CIZ1: variants seen among roughly 807,000 people sequenced by gnomAD.
The protein encoded by CIZ1 is CDKN1A interacting zinc finger protein 1.
In CIZ1, 58 loss-of-function variants were observed where a neutral mutation model predicts 118.6. The ratio of observed to expected loss-of-function variants is 0.49; its 90% CI spans 0.40 to 0.61. CIZ1 has a LOEUF of 0.61. Ranked by LOEUF, CIZ1 falls within the 20% of genes least tolerant of loss-of-function variation. The probability of loss-of-function intolerance (pLI) is 0.00; values close to 1 mark genes in which losing one functional copy is unlikely to be tolerated. For synonymous variants in CIZ1, 448 were observed against 443.4 expected (o/e 1.01, Z -0.13); for missense variants, 921 against 1,115.9 (o/e 0.83, Z 2.49).
Position 128,168,057 on chromosome 9 carries a change from C to G in CIZ1, c.2296-893G>C, listed in dbSNP as rs538501894. 6.6e-5 allele frequency among the ~76,000 whole-genome samples: 10 copies of G among 152,338 alleles called. No individual in the cohort carries two copies. The East Asian group carries it at 1.4e-3, about 21-fold the overall frequency. On this transcript the variant is annotated intron_variant, in intron 14 of 16. Coordinates refer to ENST00000372938, the MANE Select transcript of CIZ1 (RefSeq NM_001131016.2). ...CTTCCTCCCCAGCCCCTCAATACCC[C>G]ACTTTGGCTGCCAGAGGCTATGAGC...
Position 128,190,849 on chromosome 9 carries a change from G to A in CIZ1, c.9C>T (p.Ser3=). 6.5e-7 allele frequency: 1 copy of A among 1,542,906 alleles called. No homozygotes were observed. Among genetic ancestry groups the A allele is most frequent in the Non-Finnish European group, 8.7e-7 (1 of 1,147,850 alleles). Residue 3 remains serine (S), a synonymous_variant, in exon 2 of 17, where the codon AGC becomes AGT. Transcript: ENST00000372938. ...GCTGGAGCTGCTGCTGCTGCTGCTG[G>A]CTGAACATGGTGGCTAGGGGCAGAA... The part of the protein sequence containing the change: MF[S]QQQQQQLQQQ...
chr9:128,183,421 A>C (rs35256232), intron 5 of CIZ1, among the ~76,000 whole-genome samples: 74,832 of 152,038 alleles, frequency 0.49, 21,569 homozygotes, highest in South Asian at 0.7. Context: ...GGCCCGTTGG[A>C]AGGCTGGAGG....
rs1203844313 is a variant in CIZ1, at chr9:128,170,124, A to C, written c.1944-17T>G. On this transcript the variant is annotated splice_polypyrimidine_tract_variant and intron_variant, in intron 11 of 16. Coordinates refer to ENST00000372938, the MANE Select transcript of CIZ1 (RefSeq NM_001131016.2). ...GGAGGCTCCCTGAATGACAACAGTC[A>C]AAGCAAGTACAATGTGACGCCAGAA... 2 of 1,608,840 alleles carry C rather than the reference A, an allele frequency of 1.2e-6. No homozygotes were observed. Among genetic ancestry groups the C allele is most frequent in the Admixed American group, 3.3e-5 (2 of 59,708 alleles).
chr9:128,196,109 C>T (rs537327956), upstream of CIZ1, among the ~76,000 whole-genome samples: 406 of 152,082 alleles, frequency 2.7e-3, 4 homozygotes, highest in African/African-American at 9.5e-3. Context: ...TCAGATGATC[C>T]ACCCACCTTG....
chr9:128,202,249 A>T (rs1331479400), intron 1 of CIZ1, among the ~76,000 whole-genome samples: 1 of 151,874 alleles, frequency 6.6e-6, no homozygotes, highest in Non-Finnish European at 1.5e-5. Context: ...TGACTCACCG[A>T]CTCCCCATGA....
At chr9:128,202,256 A>T (rs753524786) in intron 1 of CIZ1, among the ~76,000 whole-genome samples, 9 of 152,216 alleles carry the variant, frequency 5.9e-5, no homozygotes, top group Non-Finnish European at 4.4e-5. Flanking sequence ...CCGACTCCCC[A>T]TGAGCACAGT....
In CIZ1 at chr9:128,170,054, T is replaced by C. The variant is rs1187412778; in HGVS notation, c.1997A>G (p.Asp666Gly). The C allele has an allele frequency of 3.1e-6, 5 of 1,613,950 alleles. No individual in the cohort carries two copies. The Admixed American group carries it at 5.0e-5, about 16-fold the overall frequency. Reference sequence around the variant, plus strand: ...CTGTGTCCTGCGGTGTTGGATCAGGTCCCCCATGTAGTAGAGCTGGCAGGT... The same window carrying C: ...CTGTGTCCTGCGGTGTTGGATCAGGCCCCCCATGTAGTAGAGCTGGCAGGT... ...CNTCQLYYMGDLIQHRRTQDH... is the reference protein window; with the variant it reads ...CNTCQLYYMGGLIQHRRTQDH... Residue 666 changes from aspartate (D) to glycine (G), a missense_variant, in exon 12 of 17, where the codon GAC becomes GGC. Asp to Gly is a moderately conservative substitution (Grantham distance 94). Coordinates refer to ENST00000372938, the MANE Select transcript of CIZ1 (RefSeq NM_001131016.2).
intron 11 of CIZ1, among the ~76,000 whole-genome samples, chr9:128,173,715 G>A (rs1207447175): frequency 6.6e-6 from 1 of 152,064 alleles, no homozygotes; most frequent in African/African-American, 2.4e-5. Flanking sequence ...GCCCAGAAAC[G>A]GCCAACGCGG....
intron 5 of CIZ1, among the ~76,000 whole-genome samples, chr9:128,181,764 CGGG>C (rs74186833): frequency 0.21 from 23,507 of 112,906 alleles, 1,674 homozygotes; most frequent in African/African-American, 0.24. Flanking sequence ...CCAGGAAAGG[CGGG>C]GGGGGGGGGG....
At chr9:128,180,237 A>T (rs1196586334) in intron 7 of CIZ1, among the ~76,000 whole-genome samples, 178 bp downstream of exon 7, 3 of 152,046 alleles carry the variant, frequency 2.0e-5, no homozygotes, top group African/African-American at 7.2e-5. Context: ...TCTGGCTGGG[A>T]GCTTCCCCAG....
rs1831201523 is a variant in CIZ1, at chr9:128,178,867, T to C, written c.1340A>G (p.Glu447Gly). The change falls in exon 8 of 17, where the codon GAG becomes GGG. Residue 447 changes from glutamate (E) to glycine (G), a missense_variant. By Grantham distance (98) the Glu-to-Gly change is moderately conservative (BLOSUM62 -2). Transcript: ENST00000372938. ...TACTGACACCTGCGCTGGAGGATGC[T>C]CCTGTGGCTGGACGCTTGGCTGTGC... The part of the protein sequence containing the change: ...TQAQPSVQPQ[E>G]HPPAQVSVQP... 6.2e-7 allele frequency: 1 copy of C among 1,614,224 alleles called. No individual in the cohort carries two copies. Among genetic ancestry groups the C allele is most frequent in the Non-Finnish European group, 8.5e-7 (1 of 1,180,026 alleles).
chr9:128,196,110 A>G (rs902461630), upstream of CIZ1, among the ~76,000 whole-genome samples: 1 of 151,906 alleles, frequency 6.6e-6, no homozygotes, highest in Non-Finnish European at 1.5e-5. Context: ...CAGATGATCC[A>G]CCCACCTTGG....
intron 3 of CIZ1, among the ~76,000 whole-genome samples, chr9:128,189,039 C>T (rs1018805390): frequency 3.3e-5 from 5 of 151,912 alleles, no homozygotes; most frequent in African/African-American, 9.7e-5. Context: ...CCTCGTGATC[C>T]GCCCACCTCG....
chr9:128,167,065 C>G (rs1449358678), intron 15 of CIZ1, 30 bp downstream of exon 15: 1 of 1,585,996 alleles, frequency 6.3e-7, no homozygotes, highest in African/African-American at 1.3e-5. Flanking sequence ...GCTGAAGCTC[C>G]TGCAGGTGGG....
chr9:128,174,390 G>A (rs962633019), intron 11 of CIZ1, among the ~76,000 whole-genome samples: 1 of 152,200 alleles, frequency 6.6e-6, no homozygotes, highest in Admixed American at 6.5e-5. Context: ...GGAGGCTGGG[G>A]CTGTGGGTAC....
At chr9:128,195,792 C>G (rs1159395639), upstream of CIZ1, among the ~76,000 whole-genome samples, 1 of 152,096 alleles carries the variant, frequency 6.6e-6, no homozygotes, top group East Asian at 1.9e-4. Context: ...TGCTAATTCC[C>G]AATTATATAT....
rs866363729 is a variant in CIZ1 at position 128,188,049 on chromosome 9, C to A, written c.287-115G>T. 228 of 22,284 alleles carry A rather than the reference C, an allele frequency of 0.01. No homozygotes were observed. Among genetic ancestry groups the A allele is most frequent in the Middle Eastern group, 0.036 (1 of 28 alleles). The allele number at this position is 22,284 out of a possible 1,614,324, so 1.4% of individuals were successfully genotyped here. ...TTCATCCCAGGGTTACTTAAAACAGCAAAAAAAAAAAAAAAACCCAAAACA... is the reference window on the plus strand; with the variant it reads ...TTCATCCCAGGGTTACTTAAAACAGAAAAAAAAAAAAAAAAACCCAAAACA... On this transcript the variant is annotated intron_variant, in intron 3 of 16. Coordinates refer to ENST00000372938, the MANE Select transcript of CIZ1 (RefSeq NM_001131016.2).
chr9:128,180,601 C>T, intron 6 of CIZ1, 78 bp from the exon 7 acceptor site: 5 of 1,417,712 alleles, frequency 3.5e-6, no homozygotes, highest in Non-Finnish European at 3.9e-6. Flanking sequence ...GGGGCCTGGG[C>T]TCCCCGCCTT....
At chr9:128,201,138 C>T (rs183812450) in intron 1 of CIZ1, among the ~76,000 whole-genome samples, 85 of 151,918 alleles carry the variant, frequency 5.6e-4, no homozygotes, top group African/African-American at 1.6e-3. Flanking sequence ...CGTGGTGGCA[C>T]GAGCCTGTAG....
Sources: gnomAD v4.1 joint callset for allele counts (sites outside exome capture counted in the v4.1 genomes callset) on GRCh38, gnomAD v4.1.1 for gene constraint, MANE v1.5 for transcripts, NCBI Gene and HGNC (gene_info 2026-07-23, HGNC 2026-07-21) for gene names.